DCAF10: variants seen among roughly 807,000 people sequenced by gnomAD.
The protein encoded by DCAF10 is DDB1 and CUL4 associated factor 10.
DCAF10 carries 19 observed loss-of-function variants against 51.9 expected under a neutral mutation model. The observed-to-expected ratio is 0.37, with a 90% CI of 0.26 to 0.54. The LOEUF is 0.54. DCAF10 is among the 20% of genes least tolerant of loss of function. DCAF10 has a pLI of 0.87. For synonymous variants in DCAF10, 291 were observed against 297.1 expected (o/e 0.98, Z 0.21); for missense variants, 510 against 730.6 (o/e 0.70, Z 3.48).
At chr9:37,845,565 G>T (rs1638521049) in intron 3 of DCAF10, among the ~76,000 whole-genome samples, 1 of 152,190 alleles carries the variant, frequency 6.6e-6, no homozygotes, top group South Asian at 2.1e-4. Context: ...TAGCCAATAT[G>T]TACTGGTTCA....
intron 1 of DCAF10, among the ~76,000 whole-genome samples, chr9:37,803,804 C>T (rs1265158497): frequency 1.3e-5 from 2 of 150,618 alleles, no homozygotes; most frequent in African/African-American, 4.9e-5. Context: ...CACTGTCACC[C>T]TCAAGGACTT....
chr9:37,846,933 A>G (rs897686314), intron 3 of DCAF10, among the ~76,000 whole-genome samples: 3 of 152,132 alleles, frequency 2.0e-5, no homozygotes, highest in African/African-American at 7.2e-5. Flanking sequence ...TTATCCTGAT[A>G]CCAAAACCAG....
At chr9:37,808,341 G>A (rs575434460) in intron 1 of DCAF10, among the ~76,000 whole-genome samples, 1 of 150,836 alleles carries the variant, frequency 6.6e-6, no homozygotes, top group Non-Finnish European at 1.5e-5. Context: ...CCCGGAAGCA[G>A]AGGTTGCAGT....
chr9:37,826,070 T>C (rs934424079), intron 2 of DCAF10, among the ~76,000 whole-genome samples: 1 of 143,020 alleles, frequency 7.0e-6, no homozygotes, highest in African/African-American at 2.7e-5. Flanking sequence ...AAGTGGTATA[T>C]TTCTTTAAAA....
Position 37,862,907 on chromosome 9 carries a change from T to G in DCAF10, c.*1399T>G, listed in dbSNP as rs1831053023. ...AAAGTGCAGAAACCTGAGCCTCACC[T>G]TATGAGATTCTGATTCAGCCAGGGG... On this transcript the variant is annotated 3_prime_UTR_variant, in exon 7 of 7. Coordinates refer to ENST00000377724, the MANE Select transcript of DCAF10 (RefSeq NM_024345.5). 1 of 152,210 alleles carries G rather than the reference T, an allele frequency of 6.6e-6. No homozygotes were observed. The highest frequency in any genetic ancestry group is 2.4e-5 in the African/African-American group (1 of 41,442). 9.4% of individuals were successfully genotyped at this position (152,210 alleles called of 1,614,324 possible).
chr9:37,833,474 A>AT (rs934385953), intron 2 of DCAF10, among the ~76,000 whole-genome samples: 1 of 151,750 alleles, frequency 6.6e-6, no homozygotes, highest in Non-Finnish European at 1.5e-5. Context: ...TTTTCATTTA[A>AT]TTTTTTTTTA....
rs145458889 is a variant in DCAF10, at chr9:37,865,819, CTT to C, written c.*4313_*4314del. 9.7e-3 allele frequency: 1,472 copies of C among 151,980 alleles called. 14 individuals carry two copies. Among genetic ancestry groups the C allele is most frequent in the Non-Finnish European group, 0.014 (984 of 68,010 alleles). The allele number at this position is 151,980 out of a possible 1,614,324, so 9.4% of individuals were successfully genotyped here. ...TATATTCCTGAGACTATACTAAAAA[CTT>C]TAAGAAAAGGAACAAGAAAAAGGTA... On this transcript the variant is annotated 3_prime_UTR_variant, in exon 7 of 7. Transcript: ENST00000377724.
chr9:37,804,647 A>G (rs1233499265), intron 1 of DCAF10, among the ~76,000 whole-genome samples: 2 of 151,944 alleles, frequency 1.3e-5, no homozygotes, highest in Non-Finnish European at 2.9e-5. Context: ...GTGGTGGTGC[A>G]TGCCTGTAAT....
At chr9:37,856,315 G>A (rs1466527210) in intron 4 of DCAF10, among the ~76,000 whole-genome samples, 4 of 152,188 alleles carry the variant, frequency 2.6e-5, no homozygotes, top group Non-Finnish European at 5.9e-5. Context: ...GCAAACAAGG[G>A]ATTTCATAAA....
At chr9:37,857,130 TG>T (rs1175045593) in intron 4 of DCAF10, 110 bp from the exon 5 acceptor site, 15 of 759,008 alleles carry the variant, frequency 2.0e-5, no homozygotes, top group African/African-American at 3.6e-5. Context: ...CAGTGATATA[TG>T]AGCATTTTTT....
At chr9:37,808,458 A>ATATATAATATAAAATATATATT (rs1007099363) in intron 1 of DCAF10, among the ~76,000 whole-genome samples, 1 of 110,286 alleles carries the variant, frequency 9.1e-6, no homozygotes, top group African/African-American at 3.1e-5. Flanking sequence ...AAAGTATATT[A>ATATATAATATAAAATATATATT]TATATAATAT....
At chr9:37,852,182 C>G (rs1468217736) in intron 3 of DCAF10, among the ~76,000 whole-genome samples, 1 of 149,912 alleles carries the variant, frequency 6.7e-6, no homozygotes, top group Admixed American at 6.6e-5. Flanking sequence ...AAGTAATAGT[C>G]AGACTAATAG....
chr9:37,822,446 G>T (rs1829735084), intron 2 of DCAF10, among the ~76,000 whole-genome samples: 1 of 121,390 alleles, frequency 8.2e-6, no homozygotes, highest in Non-Finnish European at 1.7e-5. Flanking sequence ...TATATATGAT[G>T]GAATATTACT....
chr9:37,815,648 A>G (rs1829502829), intron 1 of DCAF10, among the ~76,000 whole-genome samples: 1 of 146,362 alleles, frequency 6.8e-6, no homozygotes, highest in Admixed American at 6.8e-5. Flanking sequence ...TCTGTCTCCA[A>G]TAAAAAAAAA....
chr9:37,804,095 A>G (rs531835430), intron 1 of DCAF10, among the ~76,000 whole-genome samples: 1 of 152,182 alleles, frequency 6.6e-6, no homozygotes, highest in Non-Finnish European at 1.5e-5. Flanking sequence ...AGGCACAGCT[A>G]TAGAGATAAT....
chr9:37,836,913 A>G (rs777681486), intron 2 of DCAF10, among the ~76,000 whole-genome samples: 13 of 152,162 alleles, frequency 8.5e-5, no homozygotes, highest in Non-Finnish European at 1.8e-4. Flanking sequence ...TTTAAGCGTT[A>G]CATTTTGAAG....
intron 2 of DCAF10, among the ~76,000 whole-genome samples, chr9:37,831,870 C>T (rs1830016521): frequency 6.6e-6 from 1 of 150,830 alleles, no homozygotes; most frequent in African/African-American, 2.4e-5. Flanking sequence ...ATTGCTTGAA[C>T]CTGGGAGGCG....
rs1587138686 is a variant in DCAF10 at position 37,863,143 on chromosome 9, T to C, written c.*1635T>C. The C allele has an allele frequency of 1.3e-5, 2 of 151,692 alleles. No individual in the cohort carries two copies. The highest frequency in any genetic ancestry group is 2.9e-5 in the Non-Finnish European group (2 of 67,970). The allele number at this position is 151,692 out of a possible 1,614,324, so 9.4% of individuals were successfully genotyped here. On this transcript the variant is annotated 3_prime_UTR_variant, in exon 7 of 7. Coordinates refer to ENST00000377724, the MANE Select transcript of DCAF10 (RefSeq NM_024345.5). ...GAGTTCGAGACCAGCCTGACCAACA[T>C]GGTGAAACGCCATCTCTACTAAAAA...
At chr9:37,848,952 G>A (rs1448895789) in intron 3 of DCAF10, among the ~76,000 whole-genome samples, 7 of 139,960 alleles carry the variant, frequency 5.0e-5, no homozygotes, top group Admixed American at 1.5e-4. Context: ...CAGCCTGGGC[G>A]ACACAGCGAG....
Sources: allele counts gnomAD v4.1 joint callset (sites outside exome capture counted in the v4.1 genomes callset), GRCh38; gene constraint gnomAD v4.1.1; transcripts MANE v1.5; gene names NCBI Gene and HGNC (gene_info 2026-07-23, HGNC 2026-07-21).